GPR149: variants seen among roughly 807,000 people sequenced by gnomAD.
GPR149 encodes the protein G protein-coupled receptor 149, also known as probable G protein-coupled receptor 149.
A neutral mutation model predicts 50.2 loss-of-function variants in GPR149; 50 were observed. The observed-to-expected ratio is 1.00, with a 90% CI of 0.79 to 1.26. The LOEUF (loss-of-function observed/expected upper bound fraction) is 1.26, where lower values mean the gene tolerates loss of function less well. Among genes scored for constraint, GPR149 ranks in the 50% most tolerant of loss-of-function variants. GPR149 has a pLI of 0.00. For missense variants in GPR149, 983 were observed against 895.4 expected (o/e 1.10, Z -1.25); for synonymous variants, 405 against 358.2 (o/e 1.13, Z -1.48).
At chr3:154,418,566 C>CA (rs1334833792) in intron 3 of GPR149, among the ~76,000 whole-genome samples, 3 of 97,896 alleles carry the variant, frequency 3.1e-5, no homozygotes, top group Admixed American at 1.1e-4. Context: ...ATCTCAAGAA[C>CA]AAAAAACCAA....
At chr3:154,416,082 T>C (rs1711979558) in intron 3 of GPR149, among the ~76,000 whole-genome samples, 1 of 151,926 alleles carries the variant, frequency 6.6e-6, no homozygotes, top group Non-Finnish European at 1.5e-5. Flanking sequence ...TACACTGTTC[T>C]CGTTTTTTAA....
intron 3 of GPR149, among the ~76,000 whole-genome samples, chr3:154,400,052 T>C (rs1711511595): frequency 6.6e-6 from 1 of 152,182 alleles, no homozygotes; most frequent in African/African-American, 2.4e-5. Flanking sequence ...GGTGGCGCGA[T>C]CTCGGCTCAC....
intron 3 of GPR149, among the ~76,000 whole-genome samples, chr3:154,350,312 G>A (rs148363744): frequency 1.7e-4 from 26 of 152,248 alleles, no homozygotes; most frequent in African/African-American, 6.0e-4. Context: ...CCAAGGAATC[G>A]ACAAAAAATC....
At chr3:154,419,721 G>A (rs1000824477) in intron 3 of GPR149, among the ~76,000 whole-genome samples, 9 of 151,884 alleles carry the variant, frequency 5.9e-5, no homozygotes, top group African/African-American at 1.4e-4. Context: ...ACATATATGC[G>A]CTTCATTATG....
chr3:154,350,141 G>T (rs1448521692), intron 3 of GPR149, among the ~76,000 whole-genome samples: 1 of 152,076 alleles, frequency 6.6e-6, no homozygotes, highest in Non-Finnish European at 1.5e-5. Context: ...AGGCTACAGT[G>T]AGCCATAATC....
intron 3 of GPR149, chr3:154,352,173 C>G (rs113130183): frequency 2.6e-6 from 2 of 780,092 alleles, no homozygotes; most frequent in Admixed American, 2.7e-5. Context: ...ACTTCTTGAT[C>G]GAGTTCTATT....
In GPR149 at chr3:154,352,660, T is replaced by C. The variant is rs868692287; in HGVS notation, c.1624-14389A>G. On this transcript the variant is annotated intron_variant, in intron 3 of 3. Coordinates refer to ENST00000389740, the MANE Select transcript of GPR149 (RefSeq NM_001038705.3). ...GTGGGCTAAAGTTGCAGCCAATGCA[T>C]CCACTGCCCCTTTCTCTTCTATCAG... is the stretch of plus-strand genomic sequence containing the variant. 29 of 779,230 alleles carry C rather than the reference T, an allele frequency of 3.7e-5. No individual in the cohort carries two copies. The Middle Eastern group carries it at 1.1e-3, about 29-fold the overall frequency. 48.3% of individuals were successfully genotyped at this position (779,230 alleles called of 1,614,324 possible). A position where few individuals can be genotyped will look rare whatever the true frequency, so the allele number is the denominator to read the frequency against.
At chr3:154,356,336 T>A (rs1288218061) in intron 3 of GPR149, among the ~76,000 whole-genome samples, 1 of 152,088 alleles carries the variant, frequency 6.6e-6, no homozygotes. Flanking sequence ...GCCAGGGCAA[T>A]CAGGCAGGAG....
chr3:154,385,494 T>C (rs895740308), intron 3 of GPR149, among the ~76,000 whole-genome samples: 49 of 152,098 alleles, frequency 3.2e-4, no homozygotes, highest in African/African-American at 1.2e-3. Flanking sequence ...GAGTTGAAAG[T>C]GAATACTGGA....
At chr3:154,357,733 A>G (rs789301) in intron 3 of GPR149, among the ~76,000 whole-genome samples, 137,113 of 152,270 alleles carry the variant, frequency 0.9, 61,918 homozygotes, top group East Asian at 1. Context: ...TCAGTGTGGC[A>G]ATGGCTCAGG....
At chr3:154,376,727 C>T (rs13065353) in intron 3 of GPR149, among the ~76,000 whole-genome samples, 37,975 of 152,002 alleles carry the variant, frequency 0.25, 5,692 homozygotes, top group East Asian at 0.68. Context: ...TCTATTATAA[C>T]ATGGAAGATA....
chr3:154,422,868 G>A (rs996722451), intron 2 of GPR149, among the ~76,000 whole-genome samples: 1 of 151,674 alleles, frequency 6.6e-6, no homozygotes, highest in Non-Finnish European at 1.5e-5. Context: ...GAAAGGTGAA[G>A]GAACTAAAAG....
chr3:154,353,013 A>T lies in GPR149; in HGVS notation c.1624-14742T>A, dbSNP rs1714120828. On this transcript the variant is annotated intron_variant, in intron 3 of 3. Coordinates refer to ENST00000389740, the MANE Select transcript of GPR149 (RefSeq NM_001038705.3). Reference sequence around the variant, plus strand: ...GGCAGCCACATTGGTTGCCACCAAAACTTTAAAACTATCTTCTCTGAAGCC... The same window carrying T: ...GGCAGCCACATTGGTTGCCACCAAATCTTTAAAACTATCTTCTCTGAAGCC... 13 of 1,318,536 alleles carry T rather than the reference A, an allele frequency of 9.9e-6. No individual in the cohort carries two copies. The Admixed American group carries it at 2.2e-4, about 22-fold the overall frequency. 81.7% of individuals were successfully genotyped at this position (1,318,536 alleles called of 1,614,324 possible).
chr3:154,359,786 C>T (rs1034949836), intron 3 of GPR149, among the ~76,000 whole-genome samples: 5 of 152,136 alleles, frequency 3.3e-5, no homozygotes, highest in Non-Finnish European at 7.3e-5. Context: ...GCTCCTTGGA[C>T]TAAACCTTAA....
At chr3:154,383,819 G>A (rs1223204720) in intron 3 of GPR149, among the ~76,000 whole-genome samples, 2 of 152,002 alleles carry the variant, frequency 1.3e-5, no homozygotes, top group East Asian at 1.9e-4. Flanking sequence ...GCCCTCATGA[G>A]TAGGATTAGT....
chr3:154,390,081 G>A (rs946341499), intron 3 of GPR149, among the ~76,000 whole-genome samples: 1 of 152,144 alleles, frequency 6.6e-6, no homozygotes, highest in Non-Finnish European at 1.5e-5. Context: ...TCTAGCATGA[G>A]GATTTGAGGG....
chr3:154,403,055 TA>T (rs1396654317), intron 3 of GPR149, among the ~76,000 whole-genome samples: 1 of 152,170 alleles, frequency 6.6e-6, no homozygotes, highest in Non-Finnish European at 1.5e-5. Context: ...TTTAAATAAA[TA>T]AAAATGAATG....
At chr3:154,339,051 C>T (rs1158439595) in intron 3 of GPR149, among the ~76,000 whole-genome samples, 1 of 151,966 alleles carries the variant, frequency 6.6e-6, no homozygotes, top group East Asian at 1.9e-4. Flanking sequence ...ATTGCTGATT[C>T]ATGTCTTCAT....
At chr3:154,351,775 A>G (rs1050714395) in intron 3 of GPR149, among the ~76,000 whole-genome samples, 5 of 152,328 alleles carry the variant, frequency 3.3e-5, no homozygotes, top group African/African-American at 9.6e-5. Context: ...TAGGGTTCAC[A>G]ATTAAGAGAA....
Sources: gnomAD v4.1 joint callset for allele counts (sites outside exome capture counted in the v4.1 genomes callset) on GRCh38, gnomAD v4.1.1 for gene constraint, MANE v1.5 for transcripts, NCBI Gene and HGNC (gene_info 2026-07-23, HGNC 2026-07-21) for gene names.